CTNNA2: variants seen among roughly 807,000 people sequenced by gnomAD.
CTNNA2 encodes catenin alpha-2.
A neutral mutation model predicts 101.0 loss-of-function variants in CTNNA2; 42 were observed. The observed-to-expected ratio is 0.42, with a 90% CI of 0.32 to 0.54. CTNNA2 has a LOEUF of 0.54. Among genes scored for constraint, CTNNA2 ranks in the 20% least tolerant of loss-of-function variants. The probability of loss-of-function intolerance (pLI) is 0.14; values close to 1 mark genes in which losing one functional copy is unlikely to be tolerated. For synonymous variants in CTNNA2, 450 were observed against 456.4 expected, an observed-to-expected ratio of 0.99 and a Z score of 0.18; for missense variants, 871 against 1,223.1, an observed-to-expected ratio of 0.71 and a Z score of 4.29.
At chr2:79,498,464 C>A (rs1259703469) in intron 4 of CTNNA2, among the ~76,000 whole-genome samples, 1 of 152,180 alleles carries the variant, frequency 6.6e-6, no homozygotes, top group African/African-American at 2.4e-5. Flanking sequence ...CAAGCATGGT[C>A]TCCACAGTAG....
intron 2 of CTNNA2, among the ~76,000 whole-genome samples, chr2:79,679,142 C>T (rs1683388162): frequency 6.6e-6 from 1 of 152,148 alleles, no homozygotes; most frequent in East Asian, 1.9e-4. Context: ...TGTGTTTCGC[C>T]TCCTAGAGCA....
intron 7 of CTNNA2, among the ~76,000 whole-genome samples, chr2:80,379,781 C>T (rs1676321952): frequency 6.6e-6 from 1 of 152,096 alleles, no homozygotes; most frequent in Admixed American, 6.6e-5. Flanking sequence ...AATTTCCATG[C>T]CCTACCCTAG....
At chr2:80,103,877 G>A (rs1573089403) in intron 7 of CTNNA2, among the ~76,000 whole-genome samples, 2 of 152,222 alleles carry the variant, frequency 1.3e-5, no homozygotes, top group African/African-American at 4.8e-5. Flanking sequence ...TGGGATTACA[G>A]GCGCCTGCCA....
chr2:79,932,211 C>T (rs1456033412), intron 7 of CTNNA2, among the ~76,000 whole-genome samples: 9 of 152,182 alleles, frequency 5.9e-5, no homozygotes, highest in Non-Finnish European at 1.2e-4. Context: ...CCTCCCCACA[C>T]TCTACCTCCA....
intron 7 of CTNNA2, 75 bp from the exon 8 acceptor site, chr2:80,393,136 C>T: frequency 1.8e-6 from 2 of 1,094,750 alleles, no homozygotes; most frequent in Non-Finnish European, 2.6e-6. Flanking sequence ...CTCATGTTTT[C>T]CTGATTTTTT....
chr2:79,733,114 A>G (rs1687306840), intron 2 of CTNNA2, among the ~76,000 whole-genome samples: 1 of 152,134 alleles, frequency 6.6e-6, no homozygotes, highest in Non-Finnish European at 1.5e-5. Flanking sequence ...TAACAATTAC[A>G]AATATAATAA....
At chr2:80,310,843 G>A (rs374562351) in intron 7 of CTNNA2, among the ~76,000 whole-genome samples, 67 of 151,964 alleles carry the variant, frequency 4.4e-4, no homozygotes, top group African/African-American at 1.4e-3. Context: ...CCTGGTGACG[G>A]GCGCCTGTAA....
intron 2 of CTNNA2, among the ~76,000 whole-genome samples, chr2:79,207,462 G>C (rs897137976): frequency 3.3e-5 from 5 of 152,054 alleles, no homozygotes; most frequent in African/African-American, 9.7e-5. Flanking sequence ...AATAATATGA[G>C]AGTTTCTGAA....
At chr2:80,100,031 G>C (rs970303754) in intron 7 of CTNNA2, among the ~76,000 whole-genome samples, 3 of 152,108 alleles carry the variant, frequency 2.0e-5, no homozygotes, top group Non-Finnish European at 4.4e-5. Context: ...CCAGATTCAA[G>C]CAATTCTCCT....
At chr2:80,026,621 A>C (rs1469419103) in intron 7 of CTNNA2, among the ~76,000 whole-genome samples, 1 of 152,134 alleles carries the variant, frequency 6.6e-6, no homozygotes, top group Non-Finnish European at 1.5e-5. Flanking sequence ...TTACTTAGCA[A>C]CTGTCCTTTT....
chr2:79,885,898 G>A (rs1193242563), intron 6 of CTNNA2, among the ~76,000 whole-genome samples: 1 of 152,208 alleles, frequency 6.6e-6, no homozygotes, highest in Non-Finnish European at 1.5e-5. Context: ...AACTAAGTAT[G>A]TGTAAGCATG....
At chr2:80,638,952 C>T (rs1020119205) in intron 18 of CTNNA2, among the ~76,000 whole-genome samples, 1 of 152,200 alleles carries the variant, frequency 6.6e-6, no homozygotes, top group African/African-American at 2.4e-5. Context: ...CCAATTTAAT[C>T]TTGAGCCATT....
At chr2:79,719,212 C>T (rs1686314249) in intron 2 of CTNNA2, among the ~76,000 whole-genome samples, 1 of 152,090 alleles carries the variant, frequency 6.6e-6, no homozygotes, top group African/African-American at 2.4e-5. Flanking sequence ...TTATGGCCTC[C>T]AGCTCTATAC....
At chr2:80,135,117 A>T (rs1159717365) in intron 7 of CTNNA2, among the ~76,000 whole-genome samples, 1 of 152,204 alleles carries the variant, frequency 6.6e-6, no homozygotes, top group Admixed American at 6.5e-5. Context: ...GCCTGAAAAG[A>T]GTTTCACAGA....
At chr2:80,076,802 T>C (rs1698787115) in intron 7 of CTNNA2, among the ~76,000 whole-genome samples, 1 of 151,836 alleles carries the variant, frequency 6.6e-6, no homozygotes. Flanking sequence ...AAAAGATAAA[T>C]AGGAGATGCT....
intron 1 of CTNNA2, among the ~76,000 whole-genome samples, chr2:79,591,665 A>T (rs1676854430): frequency 6.6e-6 from 1 of 152,098 alleles, no homozygotes; most frequent in Non-Finnish European, 1.5e-5. Flanking sequence ...TAGTTTTTCT[A>T]ATCTTTCTGA....
intron 7 of CTNNA2, among the ~76,000 whole-genome samples, chr2:79,959,474 T>C (rs1328599929): frequency 2.0e-5 from 3 of 152,198 alleles, no homozygotes; most frequent in Non-Finnish European, 2.9e-5. Flanking sequence ...TACTTTTACA[T>C]CTCCTTTTTC....
chr2:79,683,270 C>A lies in CTNNA2; in HGVS notation c.102+31612C>A, dbSNP rs185120050. On this transcript the variant is annotated intron_variant, in intron 2 of 18. Transcript: ENST00000402739. ...TTCAGAGATTAGATCCACTCATCTCCTTAGGGCCTTTCTAGAATGCTCCAT... is the reference window on the plus strand; with the variant it reads ...TTCAGAGATTAGATCCACTCATCTCATTAGGGCCTTTCTAGAATGCTCCAT... 4.6e-3 allele frequency among the ~76,000 whole-genome samples: 700 copies of A among 152,326 alleles called. 1 individual carries two copies. Among genetic ancestry groups the A allele is most frequent in the Non-Finnish European group, 7.5e-3 (513 of 68,030 alleles).
intron 7 of CTNNA2, among the ~76,000 whole-genome samples, chr2:80,018,779 TAAAAA>T (rs11374204): frequency 8.1e-6 from 1 of 123,940 alleles, no homozygotes; most frequent in Admixed American, 8.4e-5. Context: ...AGACTCTGTG[TAAAAA>T]AAAAAAAAAA....
Sources: gnomAD v4.1 joint callset for allele counts (sites outside exome capture counted in the v4.1 genomes callset) on GRCh38, gnomAD v4.1.1 for gene constraint, MANE v1.5 for transcripts, NCBI Gene and HGNC (gene_info 2026-07-23, HGNC 2026-07-21) for gene names.